MATN4: variants seen among roughly 807,000 people sequenced by gnomAD.
MATN4 encodes matrilin 4, also known as matrilin-4.
A neutral mutation model predicts 54.6 loss-of-function variants in MATN4; 40 were observed. The ratio of observed to expected loss-of-function variants is 0.73; its 90% confidence interval spans 0.57 to 0.95. The LOEUF (loss-of-function observed/expected upper bound fraction) is 0.95. MATN4 is among the 40% of genes least tolerant of loss of function. The probability of loss-of-function intolerance (pLI) is 0.00; values close to 1 mark genes in which losing one functional copy is unlikely to be tolerated. For missense variants in MATN4, 810 were observed against 819.1 expected, an observed-to-expected ratio of 0.99 and a Z score of 0.13; for synonymous variants, 351 against 345.3, an observed-to-expected ratio of 1.02 and a Z score of -0.18.
In MATN4 at chr20:45,305,802, A is replaced by ATTTTTTTTTTT. The variant is rs1050722306; in HGVS notation, c.-34-187_-34-186insAAAAAAAAAAA. On this transcript the variant is annotated intron_variant, in intron 1 of 9. Transcript: ENST00000372756. ...GTGGGATTGCTGGGAAACACAAGAG[A>ATTTTTTTTTTT]TTCTTTTTTTTTTTTTTTTTAGATA... Among the ~76,000 whole-genome samples, 26 of 12,134 alleles carry ATTTTTTTTTTT rather than the reference A, an allele frequency of 2.1e-3. 1 individual carries two copies. The highest frequency in any genetic ancestry group is 4.5e-3 in the East Asian group (1 of 220). The allele number at this position is 12,134 out of a possible 152,430, so 8.0% of individuals were successfully genotyped here.
In MATN4 at chr20:45,298,515, A is replaced by T; in HGVS notation, c.1081T>A (p.Phe361Ile). 6.2e-7 allele frequency: 1 copy of T among 1,611,920 alleles called. No homozygotes were observed. The highest frequency in any genetic ancestry group is 8.5e-7 in the Non-Finnish European group (1 of 1,178,770). The change falls in exon 7 of 10, where the codon TTC becomes ATC. Residue 361 changes from phenylalanine to isoleucine, a missense_variant. Physicochemically the swap from Phe to Ile is conservative, Grantham distance 21 (BLOSUM62 0). Coordinates refer to ENST00000372756, the MANE Select transcript of MATN4 (RefSeq NM_001393530.1). The surrounding 1 kb of genome is among the most constrained non-coding windows in gnomAD (Gnocchi z 4.6). ...TTCACGAAGCGCTTCACTAGCTCGA[A>T]GTTTTGTGGACGCACGCTCTTGGAG... is the stretch of plus-strand genomic sequence containing the variant. ...DGSKSVRPQN[F>I]ELVKRFVNQI...
chr20:45,294,790 G>A (rs901477619), intron 8 of MATN4, among the ~76,000 whole-genome samples: 3 of 152,190 alleles, frequency 2.0e-5, no homozygotes, highest in Non-Finnish European at 2.9e-5. Flanking sequence ...ACAGCAGGAG[G>A]TGAGCAGCCA....
upstream of MATN4, chr20:45,308,308 C>CA (rs1402208743): frequency 1.5e-5 from 18 of 1,191,828 alleles, no homozygotes; most frequent in Non-Finnish European, 2.3e-5. Context: ...CTGGAGCACA[C>CA]AGAGGCAACG....
At position 45,304,693 on chromosome 20, in the gene MATN4, G is replaced by C. The variant is rs1986467306; in HGVS notation, c.178C>G (p.Leu60Val). Residue 60 changes from leucine to valine, a missense_variant, in exon 3 of 10, where the codon CTC (leucine) becomes GTC (valine). Physicochemically the swap from Leu to Val is conservative, Grantham distance 32. Coordinates refer to ENST00000372756, the MANE Select transcript of MATN4 (RefSeq NM_001393530.1). ...FETMRQFLMG[L>V]LRGLNVGPNA... is the part of the protein sequence containing the mutation. ...GGACCCACGTTCAGGCCTCGGAGGAGGCCCATGAGGAACTGCCGCATGGTC... is the reference window on the plus strand; with the variant it reads ...GGACCCACGTTCAGGCCTCGGAGGACGCCCATGAGGAACTGCCGCATGGTC... 1.9e-6 allele frequency: 3 copies of C among 1,612,784 alleles called. No homozygotes were observed. The highest frequency in any genetic ancestry group is 4.5e-5 in the East Asian group (2 of 44,818).
Position 45,298,048 on chromosome 20 carries a change from G to C in MATN4, c.1449C>G (p.Gly483=). The part of the protein sequence containing the change: ...KEEGIVMYAV[G]VGKAVEAELR... ...GCTCCGCCTCCACCGCCTTGCCCAC[G>C]CCCACGGCGTACATGACGATGCCTG... is the stretch of plus-strand genomic sequence containing the variant. The change falls in exon 8 of 10, where the codon GGC becomes GGG. Residue 483 remains glycine, a synonymous_variant. Coordinates refer to ENST00000372756, the MANE Select transcript of MATN4 (RefSeq NM_001393530.1). This position sits in a 1 kb window ranked among gnomAD's most constrained non-coding sequence, Gnocchi z 4.6. 1.9e-6 allele frequency: 3 copies of C among 1,613,562 alleles called. No homozygotes were observed. Among genetic ancestry groups the C allele is most frequent in the Non-Finnish European group, 2.5e-6 (3 of 1,179,848 alleles).
At position 45,293,993 on chromosome 20, in the gene MATN4, T is replaced by G; in HGVS notation, c.1602A>C (p.Thr534=). Residue 534 remains threonine (T), a synonymous_variant, in exon 9 of 10, where the codon ACA becomes ACC. Transcript: ENST00000372756. The part of the protein sequence containing the change: ...ICPEEGISAG[T]ELRSPCECES... ...CGCATTCGCATGGGCTCCGAAGCTC[T>G]GTCCCTGCGCTGATGCCCTCCTCTG... 1 of 1,602,642 alleles carries G rather than the reference T, an allele frequency of 6.2e-7. No individual in the cohort carries two copies. The highest frequency in any genetic ancestry group is 1.3e-5 in the African/African-American group (1 of 74,986).
At chr20:45,297,876 G>A (rs558524517) in intron 8 of MATN4, 42 bp downstream of exon 8, 1 of 1,609,914 alleles carries the variant, frequency 6.2e-7, no homozygotes, top group African/African-American at 1.3e-5. Context: ...TCAGAGGACG[G>A]GCAATGAGAG....
At position 45,298,388 on chromosome 20, in the gene MATN4, C is replaced by A; in HGVS notation, c.1208G>T (p.Gly403Val). ...CGCCTGCTTCACCTCGGCTGCGGTGCCGTAGCGACCCAGAGGGAACTCGGT... is the reference window on the plus strand; with the variant it reads ...CGCCTGCTTCACCTCGGCTGCGGTGACGTAGCGACCCAGAGGGAACTCGGT... ...VRTEFPLGRY[G>V]TAAEVKQAVL... Residue 403 changes from glycine to valine, a missense_variant, in exon 7 of 10, where the codon GGC becomes GTC. By Grantham distance (109) the Gly-to-Val change is moderately radical (BLOSUM62 -3). Transcript: ENST00000372756. The surrounding 1 kb of genome is among the most constrained non-coding windows in gnomAD (Gnocchi z 4.6). 1 of 1,612,324 alleles carries A rather than the reference C, an allele frequency of 6.2e-7. No homozygotes were observed. The highest frequency in any genetic ancestry group is 8.5e-7 in the Non-Finnish European group (1 of 1,179,200).
rs771265691 is a variant in MATN4 at position 45,304,442 on chromosome 20, G to A, written c.429C>T (p.Val143=). ...PPEERVPRVA[V]IVTDGRPQDR... is the part of the protein sequence containing the mutation. ...CCTGGGGCCGCCCGTCTGTCACGATGACAGCGACACGCGGCACGCGCTCCT... is the reference window on the plus strand; with the variant it reads ...CCTGGGGCCGCCCGTCTGTCACGATAACAGCGACACGCGGCACGCGCTCCT... Residue 143 remains valine (V), a synonymous_variant, in exon 3 of 10, where the codon GTC becomes GTT. Coordinates refer to ENST00000372756, the MANE Select transcript of MATN4 (RefSeq NM_001393530.1). The A allele has an allele frequency of 2.6e-6, 4 of 1,550,954 alleles. No homozygotes were observed. Among genetic ancestry groups the A allele is most frequent in the Non-Finnish European group, 3.5e-6 (4 of 1,143,016 alleles).
intron 3 of MATN4, chr20:45,303,343 A>C: frequency 2.9e-6 from 2 of 694,724 alleles, no homozygotes; most frequent in Non-Finnish European, 5.5e-6. Flanking sequence ...GGAGAGCCAA[A>C]GAAGGTTCAG....
rs751514457 is a variant in MATN4 at position 45,305,607 on chromosome 20, G to A, written c.-25C>T. 125 of 1,526,590 alleles carry A rather than the reference G, an allele frequency of 8.2e-5. 1 individual carries two copies. In the South Asian group the frequency reaches 1.4e-3, roughly 18 times the overall value. 94.6% of individuals were successfully genotyped at this position (1,526,590 alleles called of 1,614,324 possible). ...TGGCGCTTGGGGACAGAGAATGGAG[G>A]TGTCAGAGCCTGGAGGGAGGAAGGA... On this transcript the variant is annotated 5_prime_UTR_variant, in exon 2 of 10. Transcript: ENST00000372756.
Position 45,308,236 on chromosome 20 carries a change from C to A in MATN4, c.-96G>T, listed in dbSNP as rs200750997. On this transcript the variant is annotated 5_prime_UTR_variant, in exon 1 of 10. Coordinates refer to ENST00000372756, the MANE Select transcript of MATN4 (RefSeq NM_001393530.1). Reference sequence around the variant, plus strand: ...AGCGAAGCCGACAGGCGGAGCCTCCCGGGCACTTGGACCAGGTAACGGCGG... The same window carrying A: ...AGCGAAGCCGACAGGCGGAGCCTCCAGGGCACTTGGACCAGGTAACGGCGG... 1 of 1,612,978 alleles carries A rather than the reference C, an allele frequency of 6.2e-7. No homozygotes were observed. The highest frequency in any genetic ancestry group is 1.3e-5 in the African/African-American group (1 of 75,040).
Position 45,304,727 on chromosome 20 carries a change from G to C in MATN4, c.144C>G (p.Phe48Leu), listed in dbSNP as rs1353798198. The change falls in exon 3 of 10, where the codon TTC (phenylalanine) becomes TTG (leucine). Residue 48 changes from phenylalanine to leucine, a missense_variant. Phe to Leu is a conservative substitution (Grantham distance 22). Transcript: ENST00000372756. ...GGAACTGCCGCATGGTCTCGAACTC[G>C]AAAGGGCGCACGCTGCGGGAGCTGT... Reference protein sequence around the residue: ...VIDSSRSVRPFEFETMRQFLM... With the variant: ...VIDSSRSVRPLEFETMRQFLM... 2 of 1,611,144 alleles carry C rather than the reference G, an allele frequency of 1.2e-6. No individual in the cohort carries two copies. The highest frequency in any genetic ancestry group is 1.7e-6 in the Non-Finnish European group (2 of 1,178,130).
chr20:45,299,159 A>G (rs570256730), intron 6 of MATN4, among the ~76,000 whole-genome samples: 2 of 152,322 alleles, frequency 1.3e-5, no homozygotes, highest in East Asian at 3.9e-4. Flanking sequence ...CATGCTCCTG[A>G]ATGACTCTAC....
At chr20:45,302,248 T>A (rs1986281211) in intron 3 of MATN4, among the ~76,000 whole-genome samples, 1 of 152,108 alleles carries the variant, frequency 6.6e-6, no homozygotes, top group African/African-American at 2.4e-5. Flanking sequence ...GGAGAGAGAT[T>A]TGAATGTTAA....
chr20:45,302,200 AC>A (rs1333407473), intron 3 of MATN4, among the ~76,000 whole-genome samples: 1 of 152,162 alleles, frequency 6.6e-6, no homozygotes, highest in Non-Finnish European at 1.5e-5. Context: ...AGAGGTGACA[AC>A]CAGAAGATAA....
intron 3 of MATN4, chr20:45,303,298 C>T (rs1416422831): frequency 3.1e-6 from 2 of 653,612 alleles, no homozygotes; most frequent in Non-Finnish European, 2.9e-6. Context: ...CTGCCAAAGG[C>T]CCTTCCAGAC....
chr20:45,298,734 T>A lies in MATN4; in HGVS notation c.1013-151A>T. The A allele has an allele frequency of 1.7e-6, 1 of 583,066 alleles. No homozygotes were observed. The highest frequency in any genetic ancestry group is 2.9e-6 in the Non-Finnish European group (1 of 342,046). 36.1% of individuals were successfully genotyped at this position (583,066 alleles called of 1,614,324 possible). A position where few individuals can be genotyped will look rare whatever the true frequency, so the allele number is the denominator to read the frequency against. ...TGCCAGGCAGTGTGCTAAGTAATAA[T>A]AATTATCACCATCATCATCACCATC... On this transcript the variant is annotated intron_variant, in intron 6 of 9. Coordinates refer to ENST00000372756, the MANE Select transcript of MATN4 (RefSeq NM_001393530.1). This position sits in a 1 kb window ranked among gnomAD's most constrained non-coding sequence, Gnocchi z 4.6.
upstream of MATN4, chr20:45,308,313 G>A: frequency 8.9e-7 from 1 of 1,118,204 alleles, no homozygotes. Context: ...GCACACAGAG[G>A]CAACGGCCGC....
Sources: gnomAD v4.1 joint callset for allele counts (sites outside exome capture counted in the v4.1 genomes callset) on GRCh38, gnomAD v4.1.1 for gene constraint, Gnocchi (gnomAD v3.1) non-coding constraint, MANE v1.5 for transcripts, NCBI Gene and HGNC (gene_info 2026-07-23, HGNC 2026-07-21) for gene names.